The following SDK1 variants were observed in gnomAD, a reference collection of about 807,000 sequenced individuals.
SDK1 encodes protein sidekick-1.
A neutral mutation model predicts 245.5 loss-of-function variants in SDK1; 157 were observed. That is an observed-to-expected ratio of 0.64 (90% CI 0.56 to 0.73). SDK1 has a LOEUF of 0.73. Among genes scored for constraint, SDK1 ranks in the 30% least tolerant of loss-of-function variants. The pLI, the probability that SDK1 is intolerant of heterozygous loss-of-function variation, is 0.00. For missense variants in SDK1, 3,583 were observed against 3,002.3 expected (o/e 1.19, Z -4.52); for synonymous variants, 1,647 against 1,278.5 (o/e 1.29, Z -6.15).
At chr7:4,179,049 A>T (rs1782431979) in intron 35 of SDK1, 1 of 157,822 alleles carries the variant, frequency 6.3e-6, no homozygotes, top group African/African-American at 2.4e-5. Flanking sequence ...TTTAGATAAG[A>T]TGTGACTGTT....
At chr7:3,457,623 G>A (rs966578629) in intron 1 of SDK1, among the ~76,000 whole-genome samples, 5 of 152,190 alleles carry the variant, frequency 3.3e-5, no homozygotes, top group Non-Finnish European at 7.3e-5. Context: ...TAAACTGTAT[G>A]AATTTCAGCT....
In SDK1 at chr7:4,194,325, C is replaced by CGCGT. The variant is rs1562415743; in HGVS notation, c.5099-11554_5099-11553insGCGT. On this transcript the variant is annotated intron_variant, in intron 35 of 44. Transcript: ENST00000404826. Reference sequence around the variant, plus strand: ...GTATACATGTATACATATATGTATGCACGTATGTGTATACATGTATAGATA... The same window carrying CGCGT: ...GTATACATGTATACATATATGTATGCGCGTACGTATGTGTATACATGTATAGATA... 1.7e-3 allele frequency among the ~76,000 whole-genome samples: 184 copies of CGCGT among 108,558 alleles called. 10 individuals are homozygous for CGCGT. Among genetic ancestry groups the CGCGT allele is most frequent in the African/African-American group, 8.2e-3 (176 of 21,442 alleles). The allele number at this position is 108,558 out of a possible 152,430, so 71.2% of individuals were successfully genotyped here. A position where few individuals can be genotyped will look rare whatever the true frequency, so the allele number is the denominator to read the frequency against.
Position 3,473,342 on chromosome 7 carries a change from G to A in SDK1, c.299-145738G>A, listed in dbSNP as rs140009127. ...GAAGAACAGGTAGAAAACAAGGAGT[G>A]AAGTTGTGTTCAAATGCTTACAATA... On this transcript the variant is annotated intron_variant, in intron 1 of 44. Coordinates refer to ENST00000404826, the MANE Select transcript of SDK1 (RefSeq NM_152744.4). Among the ~76,000 whole-genome samples, 605 of 152,338 alleles carry A rather than the reference G, an allele frequency of 4.0e-3. 18 individuals are homozygous for A. The highest frequency in any genetic ancestry group is 0.036 in the Admixed American group (551 of 15,306).
At chr7:3,842,104 T>C (rs1317191940) in intron 5 of SDK1, among the ~76,000 whole-genome samples, 1 of 152,204 alleles carries the variant, frequency 6.6e-6, no homozygotes, top group Non-Finnish European at 1.5e-5. Context: ...GAATGACATG[T>C]TGGTGGCAGC....
chr7:3,534,788 C>T (rs1778826544), intron 1 of SDK1, among the ~76,000 whole-genome samples: 1 of 152,212 alleles, frequency 6.6e-6, no homozygotes, highest in Admixed American at 6.5e-5. Flanking sequence ...TCCTTTCTAA[C>T]AGAAAAATCT....
intron 1 of SDK1, among the ~76,000 whole-genome samples, chr7:3,329,163 A>G (rs981256292): frequency 2.0e-5 from 3 of 152,156 alleles, no homozygotes; most frequent in African/African-American, 7.2e-5. Context: ...AAAAGGTTAT[A>G]TATGTATGAG....
At chr7:3,573,131 G>A (rs1780170739) in intron 1 of SDK1, among the ~76,000 whole-genome samples, 1 of 152,058 alleles carries the variant, frequency 6.6e-6, no homozygotes, top group African/African-American at 2.4e-5. Flanking sequence ...GAGCAGTGGG[G>A]TGCTATAGTT....
chr7:3,304,331 A>C (rs1411929851), intron 1 of SDK1, among the ~76,000 whole-genome samples: 1 of 152,224 alleles, frequency 6.6e-6, no homozygotes, highest in African/African-American at 2.4e-5. Context: ...TCTTTATGCC[A>C]TCCACCAAGG....
rs1345642831 is a variant in SDK1 at position 4,208,245 on chromosome 7, A to T, written c.5361A>T (p.Gly1787=). ...CAGCCTTCAACGCCGCCGGAGATGG[A>T]CCTAAGAGTGACCCCCAGCAGGGGC... is the stretch of plus-strand genomic sequence containing the variant. ...SISAFNAAGD[G]PKSDPQQGRT... is the part of the protein sequence containing the mutation. Residue 1787 remains glycine, a synonymous_variant, in exon 37 of 45, where the codon GGA becomes GGT. Transcript: ENST00000404826. The T allele has an allele frequency of 6.2e-7, 1 of 1,613,898 alleles. No homozygotes were observed. The highest frequency in any genetic ancestry group is 1.1e-5 in the South Asian group (1 of 91,062).
intron 1 of SDK1, among the ~76,000 whole-genome samples, chr7:3,480,330 G>C (rs1177956623): frequency 1.3e-5 from 2 of 152,234 alleles, no homozygotes; most frequent in Non-Finnish European, 2.9e-5. Context: ...GCGAGGCCAT[G>C]AAGAAGGCGC....
chr7:3,340,501 G>A (rs922834429), intron 1 of SDK1, among the ~76,000 whole-genome samples: 3 of 152,098 alleles, frequency 2.0e-5, no homozygotes, highest in African/African-American at 7.2e-5. Context: ...GGTGGCTCAC[G>A]CCTGTAATCC....
At chr7:3,877,785 T>C (rs1039325249) in intron 5 of SDK1, among the ~76,000 whole-genome samples, 2 of 152,230 alleles carry the variant, frequency 1.3e-5, no homozygotes, top group Admixed American at 6.5e-5. Context: ...CACTCAGTGC[T>C]CTATCACAGA....
At chr7:4,177,170 G>A (rs1158181203) in intron 34 of SDK1, among the ~76,000 whole-genome samples, 1 of 152,232 alleles carries the variant, frequency 6.6e-6, no homozygotes, top group Non-Finnish European at 1.5e-5. Flanking sequence ...GCATCTCTTT[G>A]AAGGCAGCCG....
intron 1 of SDK1, among the ~76,000 whole-genome samples, chr7:3,525,011 C>A (rs539911603): frequency 4.6e-5 from 7 of 152,152 alleles, no homozygotes; most frequent in African/African-American, 1.7e-4. Flanking sequence ...TGGAAAAAAA[C>A]CAATACAACA....
chr7:4,184,790 T>C (rs1782788354), intron 35 of SDK1, among the ~76,000 whole-genome samples: 1 of 152,192 alleles, frequency 6.6e-6, no homozygotes, highest in Non-Finnish European at 1.5e-5. Flanking sequence ...GAATCATTAT[T>C]AACTCCTGCA....
intron 2 of SDK1, among the ~76,000 whole-genome samples, chr7:3,624,714 G>A (rs371896630): frequency 2.0e-5 from 3 of 152,190 alleles, no homozygotes; most frequent in South Asian, 2.1e-4. Flanking sequence ...CAATATGCCA[G>A]AGGAGCATTT....
At chr7:3,363,038 A>G (rs940992671) in intron 1 of SDK1, among the ~76,000 whole-genome samples, 12 of 152,176 alleles carry the variant, frequency 7.9e-5, no homozygotes, top group African/African-American at 2.9e-4. Flanking sequence ...GAGCAATGCC[A>G]CATCTAGGAT....
chr7:3,509,435 C>G (rs1012195189), intron 1 of SDK1, among the ~76,000 whole-genome samples: 1 of 152,196 alleles, frequency 6.6e-6, no homozygotes, highest in Non-Finnish European at 1.5e-5. Context: ...AATGATAATA[C>G]ACACCTTCTT....
At chr7:3,753,622 C>G (rs998900125) in intron 4 of SDK1, among the ~76,000 whole-genome samples, 22 of 152,174 alleles carry the variant, frequency 1.4e-4, no homozygotes, top group African/African-American at 5.3e-4. Context: ...CAGCCTACAA[C>G]CAAGCCACGT....
Sources: allele counts gnomAD v4.1 joint callset (sites outside exome capture counted in the v4.1 genomes callset), GRCh38; gene constraint gnomAD v4.1.1; transcripts MANE v1.5; gene names NCBI Gene and HGNC (gene_info 2026-07-23, HGNC 2026-07-21).